Variants in TMEM132D observed in about 807,000 individuals in gnomAD.
TMEM132D encodes mature OL transmembrane protein.
Under a neutral mutation model 62.3 loss-of-function variants are expected in TMEM132D, and 21 were observed. The observed-to-expected ratio is 0.34, with a 90% CI of 0.24 to 0.49. TMEM132D has a LOEUF of 0.49. Ranked by LOEUF, TMEM132D falls within the 20% of genes least tolerant of loss-of-function variation. The probability of loss-of-function intolerance (pLI) is 0.99; values close to 1 mark genes in which losing one functional copy is unlikely to be tolerated. For synonymous variants in TMEM132D, 621 were observed against 575.6 expected (o/e 1.08, Z -1.13); for missense variants, 1,346 against 1,402.8 (o/e 0.96, Z 0.65).
intron 3 of TMEM132D, among the ~76,000 whole-genome samples, chr12:129,463,343 T>C (rs1219294955): frequency 6.6e-6 from 1 of 152,024 alleles, no homozygotes; most frequent in Non-Finnish European, 1.5e-5. Context: ...AATCATTATC[T>C]TTAAACTTCA....
intron 2 of TMEM132D, among the ~76,000 whole-genome samples, chr12:129,649,930 TTATG>T (rs1440491434): frequency 1.3e-5 from 2 of 151,366 alleles, no homozygotes; most frequent in African/African-American, 4.9e-5. Context: ...GTGTGTATGT[TTATG>T]TATGTGTGTG....
chr12:129,735,214 A>C (rs925344424), intron 1 of TMEM132D, among the ~76,000 whole-genome samples: 2 of 152,198 alleles, frequency 1.3e-5, no homozygotes, highest in Non-Finnish European at 2.9e-5. Context: ...CACATTTTGC[A>C]TGATTGCTTA....
intron 1 of TMEM132D, among the ~76,000 whole-genome samples, chr12:129,900,128 T>G (rs79630917): frequency 2.7e-3 from 404 of 152,296 alleles, no homozygotes; most frequent in African/African-American, 9.2e-3. Context: ...TCGCAATGTA[T>G]TCATATCACC....
intron 2 of TMEM132D, among the ~76,000 whole-genome samples, chr12:129,684,464 C>T (rs986938284): frequency 6.6e-5 from 10 of 152,128 alleles, no homozygotes; most frequent in African/African-American, 2.2e-4. Context: ...GTCAATTAAA[C>T]GTCTTTCCTT....
At chr12:129,386,993 A>T (rs577794619) in intron 3 of TMEM132D, among the ~76,000 whole-genome samples, 2 of 152,238 alleles carry the variant, frequency 1.3e-5, no homozygotes, top group African/African-American at 4.8e-5. Flanking sequence ...TATCACTAAC[A>T]CCAACACTAA....
intron 1 of TMEM132D, among the ~76,000 whole-genome samples, chr12:129,772,958 A>C (rs1458273399): frequency 1.3e-5 from 2 of 152,232 alleles, no homozygotes; most frequent in African/African-American, 4.8e-5. Context: ...TTGCTGTACC[A>C]CTGAGAAAAG....
intron 1 of TMEM132D, among the ~76,000 whole-genome samples, chr12:129,794,967 C>T (rs940541555): frequency 6.6e-5 from 10 of 152,130 alleles, no homozygotes; most frequent in African/African-American, 9.7e-5. Context: ...GCGGAGGGAA[C>T]GTGGCTATCA....
chr12:129,455,148 C>T, intron 3 of TMEM132D, among the ~76,000 whole-genome samples: 1 of 152,148 alleles, frequency 6.6e-6, no homozygotes, highest in East Asian at 1.9e-4. Context: ...TATTAGGTTC[C>T]AGCATTATGA....
At position 129,074,121 on chromosome 12, in the gene TMEM132D, TTTGAACAGCTGCCCA is replaced by T; in HGVS notation, c.3039_3053del (p.Asn1013_Phe1017del). 1.2e-5 allele frequency: 19 copies of T among 1,614,086 alleles called. No homozygotes were observed. The highest frequency in any genetic ancestry group is 1.6e-5 in the Non-Finnish European group (19 of 1,180,008). On this transcript the variant is annotated inframe_deletion, in exon 9 of 9. Coordinates refer to ENST00000422113, the MANE Select transcript of TMEM132D (RefSeq NM_133448.3). ...CATCAATGATGATGGGTCCCAAAGG[TTTGAACAGCTGCCCA>T]TTGATGCTTTTTTGGGAGTTTGTGC...
At chr12:129,151,707 C>T (rs1298910116) in intron 5 of TMEM132D, among the ~76,000 whole-genome samples, 2 of 152,158 alleles carry the variant, frequency 1.3e-5, no homozygotes, top group South Asian at 2.1e-4. Flanking sequence ...TCTCATTACC[C>T]GGCAGCTAAA....
chr12:129,763,926 C>T (rs2398490), intron 1 of TMEM132D, among the ~76,000 whole-genome samples: 144,099 of 152,230 alleles, frequency 0.95, 68,483 homozygotes, highest in Non-Finnish European at 1. Context: ...GCAGTAGGAA[C>T]TTTAGAACCA....
chr12:129,206,405 C>G (rs528108504), intron 5 of TMEM132D, among the ~76,000 whole-genome samples: 1 of 152,218 alleles, frequency 6.6e-6, no homozygotes, highest in African/African-American at 2.4e-5. Flanking sequence ...CAATGAGATA[C>G]CATCTCACAC....
chr12:129,691,214 C>T (rs1189137580), intron 2 of TMEM132D, among the ~76,000 whole-genome samples: 1 of 151,716 alleles, frequency 6.6e-6, no homozygotes. Context: ...GCATTAAAAA[C>T]ATACATTAGA....
At chr12:129,897,456 T>TA (rs1875180266) in intron 1 of TMEM132D, among the ~76,000 whole-genome samples, 1 of 152,142 alleles carries the variant, frequency 6.6e-6, no homozygotes, top group Non-Finnish European at 1.5e-5. Flanking sequence ...CCCAGGACCC[T>TA]ACACATGTTA....
chr12:129,211,770 C>T (rs1273414580), intron 4 of TMEM132D, among the ~76,000 whole-genome samples: 1 of 152,176 alleles, frequency 6.6e-6, no homozygotes. Context: ...TCCCATTATC[C>T]ATACACTTTT....
At chr12:129,689,689 T>C (rs1218462160) in intron 2 of TMEM132D, among the ~76,000 whole-genome samples, 1 of 152,230 alleles carries the variant, frequency 6.6e-6, no homozygotes, top group Non-Finnish European at 1.5e-5. Flanking sequence ...TCCTAGGGCT[T>C]CATGAGCCAT....
chr12:129,847,031 A>G (rs1297011504), intron 1 of TMEM132D, among the ~76,000 whole-genome samples: 2 of 152,320 alleles, frequency 1.3e-5, no homozygotes, highest in South Asian at 2.1e-4. Context: ...ACGTTAATTT[A>G]CCCCAGAGAG....
At chr12:129,579,625 C>T (rs1174618599) in intron 2 of TMEM132D, among the ~76,000 whole-genome samples, 4 of 152,166 alleles carry the variant, frequency 2.6e-5, no homozygotes, top group South Asian at 2.1e-4. Flanking sequence ...GCATCCAACA[C>T]GGGAGAAAGA....
chr12:129,340,105 A>G (rs1869420351), intron 3 of TMEM132D, among the ~76,000 whole-genome samples: 1 of 152,166 alleles, frequency 6.6e-6, no homozygotes, highest in Non-Finnish European at 1.5e-5. Context: ...ATACCCTTCA[A>G]TTAATAGAAG....
Sources: allele counts gnomAD v4.1 joint callset (sites outside exome capture counted in the v4.1 genomes callset), GRCh38; gene constraint gnomAD v4.1.1; transcripts MANE v1.5; gene names NCBI Gene and HGNC (gene_info 2026-07-23, HGNC 2026-07-21).